REDIC1: variants seen among roughly 807,000 people sequenced by gnomAD.
REDIC1 encodes regulator of DNA class I crossover intermediates 1.
At chr12:39,714,244 T>TATATGCATGC in the REDIC1 span, among the ~76,000 whole-genome samples, 1 of 141,576 alleles carries the variant, frequency 7.1e-6, no homozygotes, top group Non-Finnish European at 1.6e-5. Flanking sequence ...TGTATATATG[T>TATATGCATGC]ATATACGTAT....
chr12:39,649,611 G>T, the REDIC1 span, among the ~76,000 whole-genome samples: 1 of 145,424 alleles, frequency 6.9e-6, no homozygotes. Context: ...TTCTGTCATT[G>T]GTTGTGTTTG....
At chr12:39,783,403 G>C in the REDIC1 span, among the ~76,000 whole-genome samples, 1 of 152,196 alleles carries the variant, frequency 6.6e-6, no homozygotes, top group Admixed American at 6.5e-5. Context: ...GGATGGCTGT[G>C]TCAAATGGTA....
At chr12:39,635,024 C>A in the REDIC1 span, among the ~76,000 whole-genome samples, 1 of 152,092 alleles carries the variant, frequency 6.6e-6, no homozygotes, top group African/African-American at 2.4e-5. Flanking sequence ...CCAACAGACA[C>A]AACAGACATA....
At chr12:39,878,822 C>A in the REDIC1 span, among the ~76,000 whole-genome samples, 1 of 152,196 alleles carries the variant, frequency 6.6e-6, no homozygotes, top group Non-Finnish European at 1.5e-5. Context: ...TAAAAGGAAG[C>A]CAGGTGCTAA....
chr12:39,894,961 C>T, the REDIC1 span, among the ~76,000 whole-genome samples: 2 of 152,184 alleles, frequency 1.3e-5, no homozygotes, highest in Admixed American at 6.5e-5. Flanking sequence ...GAACCCTCAT[C>T]TGTGCTTAAG....
the REDIC1 span, among the ~76,000 whole-genome samples, chr12:39,693,462 T>A: frequency 9.2e-5 from 14 of 151,996 alleles, no homozygotes; most frequent in Admixed American, 2.6e-4. Context: ...AGTCCATTTT[T>A]AAAAAAATAA....
At chr12:39,899,763 T>C in the REDIC1 span, among the ~76,000 whole-genome samples, 1 of 152,188 alleles carries the variant, frequency 6.6e-6, no homozygotes, top group African/African-American at 2.4e-5. Flanking sequence ...AGGAGCAGGT[T>C]GTTCAGTTTC....
the REDIC1 span, among the ~76,000 whole-genome samples, chr12:39,775,304 A>G: frequency 1.3e-5 from 2 of 152,224 alleles, no homozygotes; most frequent in African/African-American, 4.8e-5. Flanking sequence ...GTCTTAGGTA[A>G]CGTAAGTTAC....
At chr12:39,797,828 C>T in the REDIC1 span, among the ~76,000 whole-genome samples, 1 of 151,554 alleles carries the variant, frequency 6.6e-6, no homozygotes, top group Admixed American at 6.6e-5. Context: ...ATATTCTATC[C>T]ATGTAAACAT....
At chr12:39,879,417 G>A in the REDIC1 span, among the ~76,000 whole-genome samples, 1 of 152,210 alleles carries the variant, frequency 6.6e-6, no homozygotes, top group Admixed American at 6.5e-5. Flanking sequence ...GATCAGCCCT[G>A]GGGACTGAAC....
chr12:39,783,811 T>C, the REDIC1 span, among the ~76,000 whole-genome samples: 6 of 152,328 alleles, frequency 3.9e-5, no homozygotes, highest in South Asian at 1.2e-3. Flanking sequence ...GACATGACTG[T>C]ATATTTAGAA....
At chr12:39,801,339 T>TAAAAAAAAA in the REDIC1 span, among the ~76,000 whole-genome samples, 2 of 126,864 alleles carry the variant, frequency 1.6e-5, no homozygotes, top group Non-Finnish European at 3.4e-5. Flanking sequence ...ATGAGGAAAT[T>TAAAAAAAAA]AAAAAAAAAA....
At chr12:39,862,179 T>C in the REDIC1 span, among the ~76,000 whole-genome samples, 110 of 152,312 alleles carry the variant, frequency 7.2e-4, no homozygotes, top group Admixed American at 3.1e-3. Flanking sequence ...ATCAAAAACT[T>C]AAAATATTCT....
At chr12:39,646,315 A>AT in the REDIC1 span, 3 of 912,964 alleles carry the variant, frequency 3.3e-6, no homozygotes, top group Non-Finnish European at 4.6e-6. Flanking sequence ...ATAATTATAT[A>AT]TTTTTTATTA....
At chr12:39,683,057 A>G in the REDIC1 span, 1 of 1,613,240 alleles carries the variant, frequency 6.2e-7, no homozygotes, top group Non-Finnish European at 8.5e-7. Flanking sequence ...AAGAAGTATC[A>G]GAGAGAGTAT....
chr12:39,664,162 T>C, the REDIC1 span, among the ~76,000 whole-genome samples: 1 of 152,024 alleles, frequency 6.6e-6, no homozygotes, highest in African/African-American at 2.4e-5. Context: ...GCCATGTTGG[T>C]GTGCTGCACC....
the REDIC1 span, among the ~76,000 whole-genome samples, chr12:39,694,531 C>T: frequency 2.6e-5 from 4 of 152,134 alleles, no homozygotes; most frequent in African/African-American, 9.7e-5. Context: ...TGATGCCTAC[C>T]CATGGAGGGA....
At chr12:39,743,131 T>G in the REDIC1 span, among the ~76,000 whole-genome samples, 2 of 152,188 alleles carry the variant, frequency 1.3e-5, no homozygotes, top group African/African-American at 4.8e-5. Context: ...GCCAGAGCAT[T>G]CTGTTCCTTT....
At chr12:39,629,085 G>T in the REDIC1 span, among the ~76,000 whole-genome samples, 1 of 152,276 alleles carries the variant, frequency 6.6e-6, no homozygotes, top group East Asian at 1.9e-4. Flanking sequence ...GTTACACTAA[G>T]CCTTGAAGGA....
Sources: gnomAD v4.1 joint callset for allele counts (sites outside exome capture counted in the v4.1 genomes callset) on GRCh38, gnomAD v4.1.1 for gene constraint, MANE v1.5 for transcripts, NCBI Gene and HGNC (gene_info 2026-07-23, HGNC 2026-07-21) for gene names.